NDRG4: variants seen among roughly 807,000 people sequenced by gnomAD.
NDRG4 encodes NDRG family member 4.
Under a neutral mutation model 55.8 loss-of-function variants are expected in NDRG4, and 38 were observed. The ratio of observed to expected loss-of-function variants is 0.68; its 90% CI spans 0.53 to 0.89. The LOEUF is 0.89. Among genes scored for constraint, NDRG4 ranks in the 40% least tolerant of loss-of-function variants. The pLI is 0.00. For synonymous variants in NDRG4, 190 were observed against 182.7 expected (o/e 1.04, Z -0.32); for missense variants, 455 against 468.6 (o/e 0.97, Z 0.27).
intron 2 of NDRG4, among the ~76,000 whole-genome samples, chr16:58,491,158 C>T (rs1404512568): frequency 6.6e-6 from 1 of 151,856 alleles, no homozygotes; most frequent in Admixed American, 6.6e-5. Context: ...CTCCTATAAT[C>T]CCAGCTACTC....
upstream of NDRG4, chr16:58,499,437 G>GGGCCCCT (rs1340896152): frequency 6.6e-6 from 1 of 152,504 alleles, no homozygotes. Context: ...TATCTGCCCA[G>GGGCCCCT]GGCCCCTGGC....
intron 2 of NDRG4, among the ~76,000 whole-genome samples, chr16:58,488,905 T>A (rs2035445705): frequency 6.6e-6 from 1 of 152,186 alleles, no homozygotes; most frequent in Non-Finnish European, 1.5e-5. Context: ...CTAAGTTTAC[T>A]TGCTCCCTGG....
chr16:58,470,345 A>G (rs1425908944), intron 1 of NDRG4, among the ~76,000 whole-genome samples: 1 of 152,198 alleles, frequency 6.6e-6, no homozygotes, highest in African/African-American at 2.4e-5. Flanking sequence ...GAGTGGTTCA[A>G]GGTGGATGTG....
chr16:58,466,296 G>A (rs1369529514), intron 1 of NDRG4, among the ~76,000 whole-genome samples: 1 of 152,334 alleles, frequency 6.6e-6, no homozygotes, highest in South Asian at 2.1e-4. Context: ...GATTACAGGC[G>A]TGAGCCACCG....
At chr16:58,507,087 G>GAGGC in intron 8 of NDRG4, 72 bp downstream of exon 8, 2 of 1,186,588 alleles carry the variant, frequency 1.7e-6, no homozygotes, top group Non-Finnish European at 1.2e-6. Flanking sequence ...CCCCCTGAGG[G>GAGGC]AGGCAGGCAG....
In NDRG4 at chr16:58,507,840, C is replaced by T. The variant is rs200391051; in HGVS notation, c.653C>T (p.Thr218Met). The T allele has an allele frequency of 1.1e-5, 17 of 1,613,890 alleles. No individual in the cohort carries two copies. The highest frequency in any genetic ancestry group is 2.2e-5 in the East Asian group (1 of 44,898). The stretch of plus-strand genomic sequence containing the variant: ...GACCTGGACATTAACCGGCCTGGAA[C>T]GGTGCCCAATGCCAAGACGCTCCGG... The part of the protein sequence containing the change: ...RRDLDINRPG[T>M]VPNAKTLRCP... Residue 218 changes from threonine (T) to methionine (M), a missense_variant, in exon 9 of 15, where the codon ACG (threonine) becomes ATG (methionine). Thr to Met is a moderately conservative substitution (Grantham distance 81). Transcript: ENST00000570248.
chr16:58,483,895 T>C (rs1298974578), intron 1 of NDRG4, among the ~76,000 whole-genome samples: 1 of 151,942 alleles, frequency 6.6e-6, no homozygotes, highest in Non-Finnish European at 1.5e-5. Flanking sequence ...TAAGACCCCA[T>C]CTCTACAAAA....
In NDRG4 at chr16:58,504,181, A is replaced by G; in HGVS notation, c.155A>G (p.Asn52Ser). The G allele has an allele frequency of 1.9e-6, 3 of 1,614,176 alleles. No homozygotes were observed. The highest frequency in any genetic ancestry group is 2.5e-6 in the Non-Finnish European group (3 of 1,180,038). The change falls in exon 3 of 15, where the codon AAC (asparagine) becomes AGC (serine). Residue 52 changes from asparagine to serine, a missense_variant. Asn to Ser is a conservative substitution (Grantham distance 46). Coordinates refer to ENST00000570248, the MANE Select transcript of NDRG4 (RefSeq NM_001242835.2). Reference sequence around the variant, plus strand: ...AAACTATGCTTCAACACCTTCTTCAACTTCGAGGACATGCAGGAGATCACC... The same window carrying G: ...AAACTATGCTTCAACACCTTCTTCAGCTTCGAGGACATGCAGGAGATCACC... Reference protein sequence around the residue: ...NHKLCFNTFFNFEDMQEITKH... With the variant: ...NHKLCFNTFFSFEDMQEITKH...
chr16:58,510,716 C>T (rs936398721), intron 14 of NDRG4, 33 bp downstream of exon 14: 11 of 1,531,430 alleles, frequency 7.2e-6, no homozygotes, highest in East Asian at 4.9e-5. Flanking sequence ...GATGCATGGA[C>T]GCCCAGCCTC....
In NDRG4 at chr16:58,504,839, A is replaced by T. The variant is rs9939045; in HGVS notation, c.372+190A>T. 0.66 allele frequency: 408,586 copies of T among 614,528 alleles called. 137,083 individuals carry two copies. Among genetic ancestry groups the T allele is most frequent in the African/African-American group, 0.82 (44,001 of 53,978 alleles). The allele number at this position is 614,528 out of a possible 1,614,324, so 38.1% of individuals were successfully genotyped here. A position where few individuals can be genotyped will look rare whatever the true frequency, so the allele number is the denominator to read the frequency against. On this transcript the variant is annotated intron_variant, in intron 5 of 14. Coordinates refer to ENST00000570248, the MANE Select transcript of NDRG4 (RefSeq NM_001242835.2). ...TCCAGGGAAATTAACTTTTTTAAAA[A>T]AGAGGTTCCTTTCTCCATATAGTTT...
chr16:58,507,922 A>C, intron 9 of NDRG4, 26 bp from the exon 10 acceptor site: 1 of 1,613,422 alleles, frequency 6.2e-7, no homozygotes, highest in Non-Finnish European at 8.5e-7. Context: ...ACCCAGCCAG[A>C]CAGCCCTTTT....
intron 1 of NDRG4, chr16:58,500,568 C>T: frequency 1.8e-6 from 1 of 550,806 alleles, no homozygotes; most frequent in Middle Eastern, 4.8e-4. Context: ...CACTGTCTGA[C>T]TTGGCTGCAT....
chr16:58,487,705 C>A, intron 1 of NDRG4: 1 of 1,410,134 alleles, frequency 7.1e-7, no homozygotes, highest in Non-Finnish European at 9.5e-7. Context: ...TGTCCTTCTC[C>A]GCCCGGGCGT....
At chr16:58,500,547 A>G (rs1397668883) in intron 1 of NDRG4, 2 of 561,856 alleles carry the variant, frequency 3.6e-6, no homozygotes, top group Non-Finnish European at 6.3e-6. Context: ...CAGGAAATGG[A>G]ACGTGGAAGG....
chr16:58,494,906 G>A (rs1484813554), intron 2 of NDRG4: 8 of 1,520,698 alleles, frequency 5.3e-6, no homozygotes, highest in South Asian at 3.4e-5. Flanking sequence ...AAGGCCCCAC[G>A]GGCTCCCCAG....
At position 58,504,390 on chromosome 16, in the gene NDRG4, G is replaced by T. The variant is rs771165117; in HGVS notation, c.280G>T (p.Ala94Ser). The change falls in exon 4 of 15, where the codon GCC (alanine) becomes TCC (serine). Residue 94 changes from alanine to serine, a missense_variant. Transcript: ENST00000570248. ...YQFPSMEQLA[A>S]MLPSVVQHFG... is the part of the protein sequence containing the mutation. ...GTTCCCCTCCATGGAGCAGCTGGCT[G>T]CCATGCTCCCCAGCGTGGTGCAGCA... 38 of 1,612,874 alleles carry T rather than the reference G, an allele frequency of 2.4e-5. No homozygotes were observed. The highest frequency in any genetic ancestry group is 3.1e-5 in the Non-Finnish European group (36 of 1,180,030).
At chr16:58,472,625 T>G (rs1010208390) in intron 1 of NDRG4, among the ~76,000 whole-genome samples, 10 of 152,290 alleles carry the variant, frequency 6.6e-5, no homozygotes, top group Middle Eastern at 3.4e-3. Flanking sequence ...GAACTCAGAC[T>G]GATACAAAGA....
At chr16:58,494,863 A>AAGACAGAC in intron 2 of NDRG4, 4 of 939,748 alleles carry the variant, frequency 4.3e-6, no homozygotes, top group Non-Finnish European at 6.5e-6. Flanking sequence ...GAAAAGAGAA[A>AAGACAGAC]AGACAGACTA....
At chr16:58,500,533 T>G in intron 1 of NDRG4, 1 of 560,176 alleles carries the variant, frequency 1.8e-6, no homozygotes, top group Non-Finnish European at 3.1e-6. Flanking sequence ...GGGTGACATA[T>G]CTGCAGGAAA....
Sources: allele counts gnomAD v4.1 joint callset (sites outside exome capture counted in the v4.1 genomes callset), GRCh38; gene constraint gnomAD v4.1.1; transcripts MANE v1.5; gene names NCBI Gene and HGNC (gene_info 2026-07-23, HGNC 2026-07-21).